Variants in SCML4 observed in about 807,000 individuals in gnomAD.
The protein encoded by SCML4 is Scm polycomb group protein like 4.
Under a neutral mutation model 41.1 loss-of-function variants are expected in SCML4, and 34 were observed. The observed-to-expected ratio is 0.83, with a 90% CI of 0.63 to 1.10. The LOEUF is 1.10. Ranked by LOEUF, SCML4 falls within the 50% of genes least tolerant of loss-of-function variation. SCML4 has a pLI of 0.00. For missense variants in SCML4, 522 were observed against 534.1 expected, an observed-to-expected ratio of 0.98 and a Z score of 0.22; for synonymous variants, 214 against 220.9, an observed-to-expected ratio of 0.97 and a Z score of 0.28.
chr6:107,791,873 T>A (rs1195025200), intron 1 of SCML4, among the ~76,000 whole-genome samples: 1 of 152,140 alleles, frequency 6.6e-6, no homozygotes, highest in Non-Finnish European at 1.5e-5. Context: ...GGCAGGAGGA[T>A]CTTTTGAGCC....
Position 107,745,099 on chromosome 6 carries a change from C to G in SCML4, c.532G>C (p.Val178Leu), listed in dbSNP as rs764899782. 1 of 1,608,376 alleles carries G rather than the reference C, an allele frequency of 6.2e-7. No individual in the cohort carries two copies. The highest frequency in any genetic ancestry group is 1.1e-5 in the South Asian group (1 of 90,182). Reference sequence around the variant, plus strand: ...AGGACATAGCCGATGCTGTTCACCACAGGCAGGCTCCGCAGGTGCTGTTTG... The same window carrying G: ...AGGACATAGCCGATGCTGTTCACCAGAGGCAGGCTCCGCAGGTGCTGTTTG... The part of the protein sequence containing the change: ...DGKQHLRSLP[V>L]VNSIGYVLRF... The change falls in exon 5 of 8, where the codon GTG (valine) becomes CTG (leucine). Residue 178 changes from valine to leucine, a missense_variant. Transcript: ENST00000369020.
intron 1 of SCML4, among the ~76,000 whole-genome samples, chr6:107,777,327 T>A (rs1016619658): frequency 6.6e-6 from 1 of 152,140 alleles, no homozygotes; most frequent in Non-Finnish European, 1.5e-5. Flanking sequence ...CATGTTTGCA[T>A]GATTGGTCTT....
chr6:107,844,868 C>A, the SCML4 span, among the ~76,000 whole-genome samples: 3 of 151,328 alleles, frequency 2.0e-5, no homozygotes, highest in Admixed American at 2.0e-4. Flanking sequence ...TGGAGACCAG[C>A]CTAGGCAATA....
At chr6:107,815,794 A>G (rs1784515958) in intron 1 of SCML4, among the ~76,000 whole-genome samples, 1 of 152,240 alleles carries the variant, frequency 6.6e-6, no homozygotes, top group Admixed American at 6.5e-5. Flanking sequence ...ATTATCCAGG[A>G]ATTTCACCTC....
chr6:107,773,864 G>A (rs377296042), intron 1 of SCML4, among the ~76,000 whole-genome samples: 4 of 152,274 alleles, frequency 2.6e-5, no homozygotes, highest in South Asian at 2.1e-4. Flanking sequence ...TGGGGAAGAC[G>A]ATGGGCACAG....
intron 6 of SCML4, among the ~76,000 whole-genome samples, chr6:107,709,998 C>A (rs969500751): frequency 1.3e-5 from 2 of 152,114 alleles, no homozygotes; most frequent in African/African-American, 4.8e-5. Context: ...GTATGAGCCA[C>A]AGCACCCGGC....
At chr6:107,830,137 A>C in the SCML4 span, among the ~76,000 whole-genome samples, 1 of 152,162 alleles carries the variant, frequency 6.6e-6, no homozygotes, top group Non-Finnish European at 1.5e-5. Flanking sequence ...GGGTCCTCTC[A>C]GAGCTGATAA....
At chr6:107,795,588 C>G (rs1215139770) in intron 1 of SCML4, among the ~76,000 whole-genome samples, 1 of 152,048 alleles carries the variant, frequency 6.6e-6, no homozygotes, top group Non-Finnish European at 1.5e-5. Context: ...AGTGCAATGG[C>G]GTGATCTCAG....
chr6:107,757,817 A>C (rs12660169), intron 2 of SCML4, among the ~76,000 whole-genome samples: 22,326 of 152,210 alleles, frequency 0.15, 1,949 homozygotes, highest in Middle Eastern at 0.21. Flanking sequence ...CTTGTTCATG[A>C]AGTGATGGCA....
chr6:107,749,783 C>CT lies in SCML4; in HGVS notation c.186dup (p.Ala63SerfsTer97), dbSNP rs1778458161. On this transcript the variant is annotated frameshift_variant, in exon 3 of 8. Transcript: ENST00000369020. LOFTEE classifies it high-confidence loss of function. ...GGGGTACTCCGCGGAGGTGAGAGGG[C>CT]TAAGGGAGTCATGAGAACCCGAGAC... The CT allele has an allele frequency of 6.2e-7, 1 of 1,614,068 alleles. No individual in the cohort carries two copies. Among genetic ancestry groups the CT allele is most frequent in the Non-Finnish European group, 8.5e-7 (1 of 1,179,988 alleles).
chr6:107,812,204 C>G (rs910252665), intron 1 of SCML4, among the ~76,000 whole-genome samples: 2 of 152,226 alleles, frequency 1.3e-5, no homozygotes, highest in African/African-American at 4.8e-5. Flanking sequence ...AATTAGTCAC[C>G]ACCAGGGACA....
chr6:107,822,508 CT>C (rs10677944), intron 1 of SCML4, among the ~76,000 whole-genome samples: 25,533 of 137,882 alleles, frequency 0.19, 2,512 homozygotes, highest in South Asian at 0.26. Flanking sequence ...TTTTTCTTTT[CT>C]TTTTTTTTTT....
At position 107,747,084 on chromosome 6, in the gene SCML4, C is replaced by T. The variant is rs117142894; in HGVS notation, c.287-195G>A. On this transcript the variant is annotated intron_variant, in intron 3 of 7. Transcript: ENST00000369020. The stretch of plus-strand genomic sequence containing the variant: ...GCAAAAGAGTTAGACACCCCAAGTG[C>T]CAGGGCCTGACCTCGGGGGCTTTCT... Among the ~76,000 whole-genome samples, 653 of 152,270 alleles carry T rather than the reference C, an allele frequency of 4.3e-3. 10 individuals carry two copies. The East Asian group carries it at 0.063, about 15-fold the overall frequency.
intron 2 of SCML4, among the ~76,000 whole-genome samples, chr6:107,751,646 C>CTTTCTTTCTTTCTTTCTTTCTTTCTTTG (rs1425350341): frequency 9.6e-6 from 1 of 103,648 alleles, no homozygotes; most frequent in African/African-American, 3.8e-5. Flanking sequence ...TTCTTTCTTT[C>CTTTCTTTCTTTCTTTCTTTCTTTCTTTG]TTTTTTGAGA....
chr6:107,771,216 A>C (rs1230106590), intron 2 of SCML4, among the ~76,000 whole-genome samples: 1 of 152,196 alleles, frequency 6.6e-6, no homozygotes, highest in Non-Finnish European at 1.5e-5. Flanking sequence ...ATTCATTACC[A>C]ACTCTTCCAG....
intron 5 of SCML4, among the ~76,000 whole-genome samples, chr6:107,743,594 T>C (rs573226187): frequency 6.6e-6 from 1 of 152,236 alleles, no homozygotes; most frequent in Non-Finnish European, 1.5e-5. Context: ...TATCAGCAAC[T>C]CCAACCTGTC....
At chr6:107,791,926 C>T (rs528804710) in intron 1 of SCML4, among the ~76,000 whole-genome samples, 11 of 152,186 alleles carry the variant, frequency 7.2e-5, no homozygotes, top group Admixed American at 2.6e-4. Flanking sequence ...CTAACCACTG[C>T]GCTCCAGCCT....
At chr6:107,827,665 T>A (rs1785302135), upstream of SCML4, among the ~76,000 whole-genome samples, 1 of 152,156 alleles carries the variant, frequency 6.6e-6, no homozygotes, top group Non-Finnish European at 1.5e-5. Context: ...TTGTGCCACG[T>A]TGTTAATTTT....
At chr6:107,832,746 T>C in the SCML4 span, among the ~76,000 whole-genome samples, 2 of 151,978 alleles carry the variant, frequency 1.3e-5, no homozygotes, top group Non-Finnish European at 2.9e-5. Context: ...AACTGACTAG[T>C]AGAAGGTGGG....
Sources: allele counts gnomAD v4.1 joint callset (sites outside exome capture counted in the v4.1 genomes callset), GRCh38; gene constraint gnomAD v4.1.1; transcripts MANE v1.5; gene names NCBI Gene and HGNC (gene_info 2026-07-23, HGNC 2026-07-21).